Variants in NOTCH2 observed in about 807,000 individuals in gnomAD.
NOTCH2 encodes the protein neurogenic locus notch homolog protein 2.
Under a neutral mutation model 235.8 loss-of-function variants are expected in NOTCH2, and 29 were observed. That is an observed-to-expected ratio of 0.12 (90% CI 0.09 to 0.17). The LOEUF is 0.17. NOTCH2 is among the 10% of genes least tolerant of loss of function. The probability of loss-of-function intolerance (pLI) is 1.00; values close to 1 mark genes in which losing one functional copy is unlikely to be tolerated. For synonymous variants in NOTCH2, 1,086 were observed against 1,141.5 expected (o/e 0.95, Z 0.98); for missense variants, 2,285 against 3,150.2 (o/e 0.73, Z 6.57).
In NOTCH2 at chr1:119,916,204, G is replaced by A; in HGVS notation, c.6518C>T (p.Pro2173Leu). The stretch of plus-strand genomic sequence containing the variant: ...GTTGGGTGAGGCCTGTAAGATCCCA[G>A]GGGATGTAATCATTGGAGAGGATGT... ...DTTSSPMITS[P>L]GILQASPNPM... Residue 2173 changes from proline (P) to leucine (L), a missense_variant, in exon 34 of 34, where the codon CCT (proline) becomes CTT (leucine). By Grantham distance (98) the Pro-to-Leu change is moderately conservative. Coordinates refer to ENST00000256646, the MANE Select transcript of NOTCH2 (RefSeq NM_024408.4). 1 of 1,614,246 alleles carries A rather than the reference G, an allele frequency of 6.2e-7. No homozygotes were observed. Among genetic ancestry groups the A allele is most frequent in the Non-Finnish European group, 8.5e-7 (1 of 1,180,036 alleles).
Position 119,917,724 on chromosome 1 carries a change from C to T in NOTCH2, c.5968G>A (p.Val1990Met), listed in dbSNP as rs150675443. ...ALHWAAAVNN[V>M]EATLLLLKNG... ...TTCAACAACAAAAGAGTTGCCTCCACATTATTGACAGCAGCTGCCCAGTGA... is the reference window on the plus strand; with the variant it reads ...TTCAACAACAAAAGAGTTGCCTCCATATTATTGACAGCAGCTGCCCAGTGA... Residue 1990 changes from valine (V) to methionine (M), a missense_variant, in exon 33 of 34, where the codon GTG becomes ATG. Around this residue, in one of 6 missense-constraint regions of NOTCH2, gnomAD observed 128 missense variants for 255.9 expected, o/e 0.50. Transcript: ENST00000256646. 5.2e-5 allele frequency: 84 copies of T among 1,613,838 alleles called. No individual in the cohort carries two copies. Among genetic ancestry groups the T allele is most frequent in the Non-Finnish European group, 7.0e-5 (83 of 1,179,890 alleles).
In NOTCH2 at chr1:119,926,585, C is replaced by T. The variant is rs1462724778; in HGVS notation, c.3919G>A (p.Val1307Met). The T allele has an allele frequency of 1.9e-6, 3 of 1,608,710 alleles. No homozygotes were observed. Among genetic ancestry groups the T allele is most frequent in the Non-Finnish European group, 2.5e-6 (3 of 1,177,114 alleles). The change falls in exon 24 of 34, where the codon GTG becomes ATG. Residue 1307 changes from valine (V) to methionine (M), a missense_variant. Coordinates refer to ENST00000256646, the MANE Select transcript of NOTCH2 (RefSeq NM_024408.4). ...TGRHCETFVDVCPQMPCLNGG... is the reference protein window; with the variant it reads ...TGRHCETFVDMCPQMPCLNGG... The stretch of plus-strand genomic sequence containing the variant: ...TTCAGGCAGGGCATCTGGGGACACA[C>T]ATCGACGAAGGTTTCACAGTGCCGG...
chr1:119,949,051 G>A lies in NOTCH2; in HGVS notation c.2555C>T (p.Pro852Leu). 6.2e-7 allele frequency: 1 copy of A among 1,614,104 alleles called. No individual in the cohort carries two copies. Among genetic ancestry groups the A allele is most frequent in the Non-Finnish European group, 8.5e-7 (1 of 1,180,012 alleles). Residue 852 changes from proline to leucine, a missense_variant, in exon 16 of 34, where the codon CCA becomes CTA. By Grantham distance (98) the Pro-to-Leu change is moderately conservative. Coordinates refer to ENST00000256646, the MANE Select transcript of NOTCH2 (RefSeq NM_024408.4). ...CENAAVCKESPNFESYTCLCA... is the reference protein window; with the variant it reads ...CENAAVCKESLNFESYTCLCA... Reference sequence around the variant, plus strand: ...CAAGCAAGTATAACTCTCAAAATTTGGTGACTCTTTGCAAACAGCAGCATT... The same window carrying A: ...CAAGCAAGTATAACTCTCAAAATTTAGTGACTCTTTGCAAACAGCAGCATT...
In NOTCH2 at chr1:119,941,533, T is replaced by C; in HGVS notation, c.2974A>G (p.Thr992Ala). Residue 992 changes from threonine to alanine, a missense_variant, in exon 18 of 34, where the codon ACT (threonine) becomes GCT (alanine). Coordinates refer to ENST00000256646, the MANE Select transcript of NOTCH2 (RefSeq NM_024408.4). ...GAGGGACTGGTTGCTCACCTCTCAG[T>C]GCACTCATTGATGTTGTTCTCACAA... Reference protein sequence around the residue: ...VHCENNINECTESSCFNGGTC... With the variant: ...VHCENNINECAESSCFNGGTC... 1 of 1,612,010 alleles carries C rather than the reference T, an allele frequency of 6.2e-7. No individual in the cohort carries two copies.
At position 119,922,758 on chromosome 1, in the gene NOTCH2, A is replaced by G. The variant is rs1250464944; in HGVS notation, c.4880T>C (p.Ile1627Thr). Reference sequence around the variant, plus strand: ...GTCTTGAACACACTGGCGGTTGTCAATTTCCAGAAAGACTTTAGAGCTGTG... The same window carrying G: ...GTCTTGAACACACTGGCGGTTGTCAGTTTCCAGAAAGACTTTAGAGCTGTG... ...EVAGSKVFLE[I>T]DNRQCVQDSD... The change falls in exon 27 of 34, where the codon ATT becomes ACT. Residue 1627 changes from isoleucine (I) to threonine (T), a missense_variant. Physicochemically the swap from Ile to Thr is moderately conservative, Grantham distance 89 (BLOSUM62 -1). Around this residue, in one of 6 missense-constraint regions of NOTCH2, gnomAD observed 1,173 missense variants for 1,515.3 expected, o/e 0.77. Transcript: ENST00000256646. The G allele has an allele frequency of 1.2e-6, 2 of 1,614,178 alleles. No homozygotes were observed. Among genetic ancestry groups the G allele is most frequent in the Admixed American group, 1.7e-5 (1 of 60,026 alleles).
At chr1:120,035,357 C>T (rs1461598932) in intron 1 of NOTCH2, among the ~76,000 whole-genome samples, 3 of 151,538 alleles carry the variant, frequency 2.0e-5, no homozygotes, top group Non-Finnish European at 4.4e-5. Context: ...ACTTTTTCTT[C>T]CAAGGACAAG....
chr1:119,937,090 T>C (rs1012588605), intron 21 of NOTCH2, among the ~76,000 whole-genome samples, 192 bp downstream of exon 21: 11 of 152,122 alleles, frequency 7.2e-5, no homozygotes, highest in African/African-American at 2.7e-4. Flanking sequence ...TATAAAAATA[T>C]CATACTAGGG....
At chr1:119,940,901 T>A in intron 18 of NOTCH2, 145 bp from the exon 19 acceptor site, 1 of 752,992 alleles carries the variant, frequency 1.3e-6, no homozygotes, top group Admixed American at 2.0e-5. Context: ...CAAGCTAGAT[T>A]GGGTGCCAGA....
rs142831890 is a variant in NOTCH2 at position 119,940,595 on chromosome 1, C to T, written c.3143G>A (p.Arg1048His). The T allele has an allele frequency of 1.3e-4, 208 of 1,613,926 alleles. No homozygotes were observed. Among genetic ancestry groups the T allele is most frequent in the Non-Finnish European group, 1.7e-4 (196 of 1,179,998 alleles). The stretch of plus-strand genomic sequence containing the variant: ...AGTGTAGCCCAGGGGGCAGCTGCAG[C>T]GGTAGGTACCCAGGCCATCAACACA... ...GTCVDGLGTYRCSCPLGYTGK... is the reference protein window; with the variant it reads ...GTCVDGLGTYHCSCPLGYTGK... The change falls in exon 19 of 34, where the codon CGC (arginine) becomes CAC (histidine). Residue 1048 changes from arginine (R) to histidine (H), a missense_variant. Arg to His is a conservative substitution (Grantham distance 29). Transcript: ENST00000256646.
At position 119,919,428 on chromosome 1, in the gene NOTCH2, G is replaced by C. The variant is rs750477480; in HGVS notation, c.5665C>G (p.Arg1889Gly). Residue 1889 changes from arginine (R) to glycine (G), a missense_variant, in exon 31 of 34, where the codon CGG (arginine) becomes GGG (glycine). Around this residue, in one of 6 missense-constraint regions of NOTCH2, gnomAD observed 128 missense variants for 255.9 expected, o/e 0.50. Transcript: ENST00000256646. ...AGGAGACGCTTGGCAGCATCAGCCC[G>C]TGAGTAGCGGGCTGCAAGGTGCAGG... ...MALHLAARYS[R>G]ADAAKRLLDA... 1 of 1,613,806 alleles carries C rather than the reference G, an allele frequency of 6.2e-7. No homozygotes were observed. Among genetic ancestry groups the C allele is most frequent in the Non-Finnish European group, 8.5e-7 (1 of 1,180,028 alleles).
At chr1:119,935,814 T>A (rs782497024) in intron 21 of NOTCH2, among the ~76,000 whole-genome samples, 13 of 152,204 alleles carry the variant, frequency 8.5e-5, no homozygotes, top group Non-Finnish European at 1.5e-4. Flanking sequence ...CTACTCCTCT[T>A]TCAGTTGAAA....
chr1:119,970,571 C>G (rs1651323936), intron 5 of NOTCH2, among the ~76,000 whole-genome samples: 1 of 152,204 alleles, frequency 6.6e-6, no homozygotes, highest in African/African-American at 2.4e-5. Context: ...CTAAAGGAAG[C>G]TAAACATGAG....
At chr1:119,950,478 T>TA (rs1222153830) in intron 15 of NOTCH2, 76 of 634,100 alleles carry the variant, frequency 1.2e-4, no homozygotes, top group Middle Eastern at 2.5e-4. Context: ...CACATACAAT[T>TA]AAAAAAAAAT....
At chr1:120,063,570 T>C (rs1553216599) in intron 1 of NOTCH2, among the ~76,000 whole-genome samples, 1 of 152,182 alleles carries the variant, frequency 6.6e-6, no homozygotes, top group Non-Finnish European at 1.5e-5. Context: ...TTACTAACCT[T>C]ATACCATAGC....
intron 4 of NOTCH2, chr1:119,994,773 G>T (rs1652376783): frequency 8.7e-6 from 1 of 114,774 alleles, no homozygotes; most frequent in Non-Finnish European, 1.8e-5. Flanking sequence ...AAAATAAACT[G>T]CCTCGGTTTC....
intron 15 of NOTCH2, chr1:119,950,015 C>A: frequency 6.0e-6 from 1 of 166,654 alleles, no homozygotes. Flanking sequence ...AATAAATGTC[C>A]CAAGCACACT....
At chr1:119,921,658 T>C (rs1649287687) in intron 29 of NOTCH2, 55 bp downstream of exon 29, 2 of 1,468,118 alleles carry the variant, frequency 1.4e-6, no homozygotes, top group South Asian at 2.3e-5. Flanking sequence ...GGACAGAAAT[T>C]TGAAATGTAA....
chr1:119,954,362 A>G (rs1650601610), intron 13 of NOTCH2, among the ~76,000 whole-genome samples: 1 of 152,238 alleles, frequency 6.6e-6, no homozygotes, highest in Non-Finnish European at 1.5e-5. Flanking sequence ...TGAAACACCA[A>G]TACTGAGTTA....
At position 119,957,883 on chromosome 1, in the gene NOTCH2, C is replaced by CACAA. The variant is rs1491347411; in HGVS notation, c.2026+1508_2026+1509insTTGT. On this transcript the variant is annotated intron_variant, in intron 12 of 33. Coordinates refer to ENST00000256646, the MANE Select transcript of NOTCH2 (RefSeq NM_024408.4). ...ACACACACACACACACACACACACA[C>CACAA]AACAGGCCCCTAATCAGGATGTCCA... 1.2e-3 allele frequency among the ~76,000 whole-genome samples: 178 copies of CACAA among 143,616 alleles called. 1 individual carries two copies. Among genetic ancestry groups the CACAA allele is most frequent in the East Asian group, 0.011 (54 of 5,028 alleles). The allele number at this position is 143,616 out of a possible 152,430, so 94.2% of individuals were successfully genotyped here. A position where few individuals can be genotyped will look rare whatever the true frequency, so the allele number is the denominator to read the frequency against.
Sources: allele counts gnomAD v4.1 joint callset (sites outside exome capture counted in the v4.1 genomes callset), GRCh38; gene constraint gnomAD v4.1.1; regional missense constraint gnomAD v4.1.1; transcripts MANE v1.5; gene names NCBI Gene and HGNC (gene_info 2026-07-23, HGNC 2026-07-21).